NKAIN2: variants seen among roughly 807,000 people sequenced by gnomAD.
NKAIN2 encodes sodium/potassium-transporting ATPase subunit beta-1-interacting protein 2.
NKAIN2 carries 14 observed loss-of-function variants against 32.6 expected under a neutral mutation model. The ratio of observed to expected loss-of-function variants is 0.43; its 90% CI spans 0.28 to 0.67. NKAIN2 has a LOEUF of 0.67. NKAIN2 is among the 30% of genes least tolerant of loss of function. NKAIN2 has a pLI of 0.17. For missense variants in NKAIN2, 198 were observed against 258.3 expected (o/e 0.77, Z 1.60); for synonymous variants, 80 against 87.2 (o/e 0.92, Z 0.46).
intron 1 of NKAIN2, among the ~76,000 whole-genome samples, chr6:124,123,110 T>C (rs1785968909): frequency 6.6e-6 from 1 of 152,108 alleles, no homozygotes. Flanking sequence ...TTATATCTAG[T>C]ATAAATGTAA....
intron 2 of NKAIN2, among the ~76,000 whole-genome samples, chr6:124,298,575 G>T (rs894830489): frequency 1.3e-5 from 2 of 152,042 alleles, no homozygotes; most frequent in African/African-American, 4.8e-5. Flanking sequence ...GATTATTTTT[G>T]TGGGTTATTG....
intron 3 of NKAIN2, among the ~76,000 whole-genome samples, chr6:124,491,164 TC>T (rs1329899707): frequency 1.3e-5 from 2 of 151,884 alleles, no homozygotes; most frequent in Non-Finnish European, 2.9e-5. Context: ...ACATGTGCCA[TC>T]TATTCATTGT....
intron 3 of NKAIN2, among the ~76,000 whole-genome samples, chr6:124,445,273 T>G (rs988391217): frequency 2.6e-4 from 39 of 152,148 alleles, no homozygotes; most frequent in Non-Finnish European, 5.7e-4. Flanking sequence ...TTTTTGGTTT[T>G]TGCTCTTCTT....
intron 1 of NKAIN2, among the ~76,000 whole-genome samples, chr6:123,868,012 G>A (rs567414135): frequency 2.6e-5 from 4 of 151,020 alleles, no homozygotes; most frequent in Non-Finnish European, 3.0e-5. Context: ...GGGACTACAG[G>A]CGCACACCAC....
intron 1 of NKAIN2, among the ~76,000 whole-genome samples, chr6:123,891,712 G>A (rs924246170): frequency 2.0e-5 from 3 of 152,144 alleles, no homozygotes; most frequent in Admixed American, 6.6e-5. Context: ...AATGATCTAC[G>A]TCGTTCTATG....
Position 124,269,966 on chromosome 6 carries a change from T to C in NKAIN2, c.55-13039T>C, listed in dbSNP as rs546603178. 1.9e-4 allele frequency among the ~76,000 whole-genome samples: 29 copies of C among 152,328 alleles called. No individual in the cohort carries two copies. In the South Asian group the frequency reaches 2.1e-3, roughly 11 times the overall value. On this transcript the variant is annotated intron_variant, in intron 1 of 6. Transcript: ENST00000368417. ...TCACCTAGAGTTTGAGAGGTTTGAT[T>C]GACAATCTCCATATAGCTGCCTTGC...
intron 3 of NKAIN2, among the ~76,000 whole-genome samples, chr6:124,556,534 C>G (rs1030411808): frequency 6.6e-6 from 1 of 152,068 alleles, no homozygotes; most frequent in Non-Finnish European, 1.5e-5. Flanking sequence ...CTTGCTTCTC[C>G]TTTCTGCCTT....
chr6:124,085,209 C>T (rs755712335), intron 1 of NKAIN2, among the ~76,000 whole-genome samples: 3 of 151,916 alleles, frequency 2.0e-5, no homozygotes, highest in Non-Finnish European at 4.4e-5. Context: ...ATTTATGTGG[C>T]AATGGAGATA....
At chr6:123,844,302 T>G (rs1389579083) in intron 1 of NKAIN2, among the ~76,000 whole-genome samples, 2 of 152,212 alleles carry the variant, frequency 1.3e-5, no homozygotes, top group Non-Finnish European at 2.9e-5. Context: ...AGGTAGTGTT[T>G]AGCTAAAGCA....
Position 124,627,843 on chromosome 6 carries a change from T to C in NKAIN2, c.274-30343T>C, listed in dbSNP as rs138281440. On this transcript the variant is annotated intron_variant, in intron 3 of 6. Coordinates refer to ENST00000368417, the MANE Select transcript of NKAIN2 (RefSeq NM_001040214.3). ...ACGGCGACATTCCAGGGAGCAGGTA[T>C]AAATACACACAGTCAGTCACACTCA... Among the ~76,000 whole-genome samples, 324 of 152,256 alleles carry C rather than the reference T, an allele frequency of 2.1e-3. 1 individual carries two copies. The highest frequency in any genetic ancestry group is 3.6e-3 in the Non-Finnish European group (247 of 68,008).
At chr6:124,594,638 G>T (rs1322415729) in intron 3 of NKAIN2, among the ~76,000 whole-genome samples, 4 of 152,114 alleles carry the variant, frequency 2.6e-5, no homozygotes, top group African/African-American at 9.7e-5. Context: ...TCCAAAGTTT[G>T]GTTGGGAGAG....
At chr6:123,880,670 C>T (rs1773411327) in intron 1 of NKAIN2, among the ~76,000 whole-genome samples, 1 of 152,094 alleles carries the variant, frequency 6.6e-6, no homozygotes, top group African/African-American at 2.4e-5. Context: ...TTAAAACTAC[C>T]AGTTAGTTAG....
At chr6:124,514,892 G>C (rs1010592265) in intron 3 of NKAIN2, among the ~76,000 whole-genome samples, 2 of 152,120 alleles carry the variant, frequency 1.3e-5, no homozygotes, top group African/African-American at 4.8e-5. Context: ...TCAGAAAGTG[G>C]TGGTTCACTG....
chr6:124,416,364 C>A (rs918668654), intron 3 of NKAIN2, among the ~76,000 whole-genome samples: 4 of 152,164 alleles, frequency 2.6e-5, no homozygotes, highest in Non-Finnish European at 5.9e-5. Context: ...TGGTATCAGG[C>A]CAGCTATGGT....
At chr6:124,172,024 G>T (rs75182409) in intron 1 of NKAIN2, among the ~76,000 whole-genome samples, 2 of 151,306 alleles carry the variant, frequency 1.3e-5, no homozygotes, top group Non-Finnish European at 2.9e-5. Context: ...GTGTTAGCCA[G>T]GGTGATCTCC....
chr6:124,358,419 A>C (rs1303624132), intron 3 of NKAIN2, among the ~76,000 whole-genome samples: 4 of 151,974 alleles, frequency 2.6e-5, no homozygotes, highest in Non-Finnish European at 5.9e-5. Context: ...CTATATCTCC[A>C]CATCCTCTCC....
At chr6:123,840,417 A>C (rs1181141973) in intron 1 of NKAIN2, among the ~76,000 whole-genome samples, 1 of 152,080 alleles carries the variant, frequency 6.6e-6, no homozygotes, top group Non-Finnish European at 1.5e-5. Flanking sequence ...TTGCAAAACT[A>C]TCAGCAAAAA....
chr6:124,029,670 A>G (rs1410202005), intron 1 of NKAIN2, among the ~76,000 whole-genome samples: 1 of 152,166 alleles, frequency 6.6e-6, no homozygotes, highest in Non-Finnish European at 1.5e-5. Context: ...GGGATTCTTT[A>G]AGACAGGGAT....
chr6:124,087,035 C>A (rs147264773), intron 1 of NKAIN2, among the ~76,000 whole-genome samples: 1 of 151,782 alleles, frequency 6.6e-6, no homozygotes, highest in Non-Finnish European at 1.5e-5. Flanking sequence ...AAAATATTAG[C>A]AAATTGAATC....
Sources: gnomAD v4.1 joint callset for allele counts (sites outside exome capture counted in the v4.1 genomes callset) on GRCh38, gnomAD v4.1.1 for gene constraint, MANE v1.5 for transcripts, NCBI Gene and HGNC (gene_info 2026-07-23, HGNC 2026-07-21) for gene names.